Variants in SNTG1 observed in about 807,000 individuals in gnomAD.
SNTG1 encodes syntrophin gamma 1, also known as gamma-1-syntrophin.
SNTG1 carries 39 observed loss-of-function variants against 74.7 expected under a neutral mutation model. The observed-to-expected ratio is 0.52, with a 90% CI of 0.40 to 0.68. The LOEUF (loss-of-function observed/expected upper bound fraction) is 0.68, where lower values mean the gene tolerates loss of function less well. SNTG1 is among the 30% of genes least tolerant of loss of function. SNTG1 has a pLI of 0.00. For missense variants in SNTG1, 685 were observed against 609.5 expected, an observed-to-expected ratio of 1.12 and a Z score of -1.30; for synonymous variants, 254 against 217.1, an observed-to-expected ratio of 1.17 and a Z score of -1.49.
At chr8:50,326,950 A>G (rs1051993019) in intron 2 of SNTG1, among the ~76,000 whole-genome samples, 2 of 151,880 alleles carry the variant, frequency 1.3e-5, no homozygotes, top group Admixed American at 1.3e-4. Context: ...TTTTTGAGCC[A>G]TGTTTTCTTT....
chr8:50,139,845 A>G (rs959882792), intron 1 of SNTG1, among the ~76,000 whole-genome samples: 3 of 152,222 alleles, frequency 2.0e-5, no homozygotes, highest in Non-Finnish European at 2.9e-5. Context: ...AATTTAAAGG[A>G]GATGAGAACA....
chr8:50,691,874 T>C (rs981012368), intron 15 of SNTG1, among the ~76,000 whole-genome samples: 12 of 152,234 alleles, frequency 7.9e-5, no homozygotes, highest in Admixed American at 5.2e-4. Context: ...TCCCTGTCAC[T>C]TTCAGGAACA....
chr8:50,776,033 T>C (rs1246878140), intron 18 of SNTG1, among the ~76,000 whole-genome samples: 1 of 151,574 alleles, frequency 6.6e-6, no homozygotes, highest in Non-Finnish European at 1.5e-5. Context: ...TGGGTCATGT[T>C]TTTTAATCTA....
At chr8:50,110,730 T>G (rs1470497467) in intron 1 of SNTG1, among the ~76,000 whole-genome samples, 1 of 152,054 alleles carries the variant, frequency 6.6e-6, no homozygotes, top group African/African-American at 2.4e-5. Context: ...GTCTTGCAGT[T>G]ACTACTCATT....
At chr8:50,689,614 G>A (rs1437999687) in intron 15 of SNTG1, among the ~76,000 whole-genome samples, 6 of 96,216 alleles carry the variant, frequency 6.2e-5, no homozygotes, top group Non-Finnish European at 1.4e-4. Context: ...GATCATGGTA[G>A]ATAAGCTGTT....
intron 3 of SNTG1, 44 bp from the exon 4 acceptor site, chr8:50,402,166 T>C (rs1461227626): frequency 1.7e-5 from 27 of 1,572,448 alleles, no homozygotes; most frequent in Non-Finnish European, 2.1e-5. Flanking sequence ...ACCTATAAAC[T>C]AAGTATAATT....
chr8:50,676,472 C>T (rs547031246), intron 15 of SNTG1, among the ~76,000 whole-genome samples: 1 of 152,048 alleles, frequency 6.6e-6, no homozygotes, highest in South Asian at 2.1e-4. Flanking sequence ...GCAGCACCAT[C>T]AGTTCATTTG....
intron 4 of SNTG1, among the ~76,000 whole-genome samples, chr8:50,434,873 A>G (rs2131547418): frequency 6.6e-6 from 1 of 152,302 alleles, no homozygotes; most frequent in South Asian, 2.1e-4. Context: ...GTAACACAAA[A>G]TTAATACAAA....
intron 11 of SNTG1, among the ~76,000 whole-genome samples, chr8:50,545,737 T>G (rs2094382741): frequency 6.6e-6 from 1 of 152,078 alleles, no homozygotes; most frequent in African/African-American, 2.4e-5. Context: ...CAGTAGAATT[T>G]CTAGTTTTCT....
chr8:50,783,657 G>A (rs1014167916), intron 18 of SNTG1, among the ~76,000 whole-genome samples: 9 of 152,208 alleles, frequency 5.9e-5, no homozygotes, highest in African/African-American at 7.2e-5. Context: ...TCCCGAGTGA[G>A]GCAATGCCTT....
intron 1 of SNTG1, among the ~76,000 whole-genome samples, chr8:50,092,629 G>A (rs2079781383): frequency 6.6e-6 from 1 of 152,126 alleles, no homozygotes; most frequent in African/African-American, 2.4e-5. Flanking sequence ...TTCACTCAGA[G>A]TCAGCCTTGC....
At chr8:50,519,745 G>T (rs1166008156) in intron 9 of SNTG1, among the ~76,000 whole-genome samples, 1 of 151,950 alleles carries the variant, frequency 6.6e-6, no homozygotes, top group Admixed American at 6.6e-5. Flanking sequence ...ACAACTTACA[G>T]GGGAAGTGAA....
intron 2 of SNTG1, among the ~76,000 whole-genome samples, chr8:50,347,544 A>G (rs2091518274): frequency 6.6e-6 from 1 of 152,216 alleles, no homozygotes; most frequent in Non-Finnish European, 1.5e-5. Flanking sequence ...GAGTAGTTTT[A>G]TCTTTCAAGT....
At chr8:50,156,012 C>CAAATG (rs959828994) in intron 1 of SNTG1, among the ~76,000 whole-genome samples, 7 of 151,646 alleles carry the variant, frequency 4.6e-5, no homozygotes, top group African/African-American at 1.7e-4. Flanking sequence ...AAAAAAAGGG[C>CAAATG]AAATGAAATG....
intron 8 of SNTG1, among the ~76,000 whole-genome samples, chr8:50,461,536 A>G (rs1167197640): frequency 6.6e-6 from 1 of 152,060 alleles, no homozygotes; most frequent in Non-Finnish European, 1.5e-5. Flanking sequence ...TATTTATCTG[A>G]TCATTTTGAT....
chr8:50,033,404 G>T (rs536159130), intron 1 of SNTG1, among the ~76,000 whole-genome samples: 1 of 152,100 alleles, frequency 6.6e-6, no homozygotes, highest in African/African-American at 2.4e-5. Context: ...GATTACAGGG[G>T]TGAGCCACTG....
At chr8:50,587,597 G>A (rs555734044) in intron 12 of SNTG1, among the ~76,000 whole-genome samples, 3 of 152,242 alleles carry the variant, frequency 2.0e-5, no homozygotes, top group African/African-American at 7.2e-5. Context: ...GGCCGAGGCG[G>A]GCGGATCACC....
intron 12 of SNTG1, among the ~76,000 whole-genome samples, chr8:50,580,072 C>T (rs766767167): frequency 1.3e-5 from 2 of 152,202 alleles, no homozygotes; most frequent in Non-Finnish European, 2.9e-5. Context: ...GTGGACCTGC[C>T]CAAGGCCATG....
chr8:50,058,424 A>G (rs553922182), intron 1 of SNTG1, among the ~76,000 whole-genome samples: 2 of 152,100 alleles, frequency 1.3e-5, no homozygotes, highest in South Asian at 4.1e-4. Context: ...TCTATTTCCT[A>G]TAAGGAAGCT....
Sources: gnomAD v4.1 joint callset for allele counts (sites outside exome capture counted in the v4.1 genomes callset) on GRCh38, gnomAD v4.1.1 for gene constraint, MANE v1.5 for transcripts, NCBI Gene and HGNC (gene_info 2026-07-23, HGNC 2026-07-21) for gene names.